Variants in GARIN2 observed in about 807,000 individuals in gnomAD.
GARIN2 encodes the protein Golgi-associated RAB2 interactor protein 2.
At chr14:67,193,616 G>A in the GARIN2 span, among the ~76,000 whole-genome samples, 5 of 144,918 alleles carry the variant, frequency 3.5e-5, no homozygotes, top group Admixed American at 6.9e-5. Context: ...TATATAGATA[G>A]AAATATATCT....
At chr14:67,224,905 C>T in the GARIN2 span, 1 of 424,634 alleles carries the variant, frequency 2.4e-6, no homozygotes, top group East Asian at 4.8e-5. Flanking sequence ...TAAAAGGGAA[C>T]CTGCTTGTGA....
the GARIN2 span, among the ~76,000 whole-genome samples, chr14:67,212,667 CACAT>C: frequency 7.9e-6 from 1 of 127,060 alleles, no homozygotes; most frequent in Non-Finnish European, 1.7e-5. Flanking sequence ...TATATATTTA[CACAT>C]ACATACAAAT....
the GARIN2 span, among the ~76,000 whole-genome samples, chr14:67,225,867 C>G: frequency 6.6e-6 from 1 of 151,526 alleles, no homozygotes; most frequent in East Asian, 1.9e-4. Context: ...AGAGTGGAAG[C>G]AATGCAATTT....
the GARIN2 span, chr14:67,224,908 G>A: frequency 2.3e-6 from 1 of 432,990 alleles, no homozygotes; most frequent in East Asian, 4.6e-5. Context: ...AAGGGAACCT[G>A]CTTGTGAAAT....
the GARIN2 span, chr14:67,201,878 A>G: frequency 5.7e-6 from 1 of 176,698 alleles, no homozygotes; most frequent in African/African-American, 2.4e-5. Context: ...CTGTCTGCCC[A>G]TCCTCCAGTC....
chr14:67,205,197 T>C, the GARIN2 span: 1 of 1,136,320 alleles, frequency 8.8e-7, no homozygotes. Flanking sequence ...CTATGGAACC[T>C]ACCTACTCCG....
chr14:67,216,571 G>C, the GARIN2 span, among the ~76,000 whole-genome samples: 3 of 151,912 alleles, frequency 2.0e-5, no homozygotes, highest in African/African-American at 7.3e-5. Flanking sequence ...TGCTTTTGCT[G>C]TGCCCCCATA....
chr14:67,198,955 C>T, the GARIN2 span: 4 of 702,200 alleles, frequency 5.7e-6, no homozygotes, highest in African/African-American at 3.5e-5. Context: ...TTACCTCTAA[C>T]TCTTAATACA....
chr14:67,214,646 C>A, the GARIN2 span, among the ~76,000 whole-genome samples: 14 of 151,880 alleles, frequency 9.2e-5, no homozygotes, highest in South Asian at 2.5e-3. Context: ...CTTGGCGATG[C>A]GGGCTCTTTT....
At chr14:67,198,355 T>C in the GARIN2 span, 2 of 1,566,206 alleles carry the variant, frequency 1.3e-6, no homozygotes, top group South Asian at 1.2e-5. Flanking sequence ...TAAGTTCCAA[T>C]AACTTCAGTA....
the GARIN2 span, among the ~76,000 whole-genome samples, chr14:67,214,549 T>C: frequency 6.6e-6 from 1 of 152,238 alleles, no homozygotes; most frequent in South Asian, 2.1e-4. Flanking sequence ...ACCAGTACCA[T>C]GCTATTTTGG....
the GARIN2 span, chr14:67,227,383 T>C: frequency 1.4e-5 from 2 of 147,350 alleles, no homozygotes; most frequent in Non-Finnish European, 3.0e-5. Context: ...GAGGTTGCAC[T>C]GAGCCGAGAT....
At chr14:67,198,985 G>T in the GARIN2 span, 1 of 704,422 alleles carries the variant, frequency 1.4e-6, no homozygotes, top group South Asian at 1.5e-5. Flanking sequence ...CTGCTCAGCT[G>T]ATTTCACAGA....
At chr14:67,225,961 G>GTGTGTGTGTGTC in the GARIN2 span, among the ~76,000 whole-genome samples, 2 of 112,302 alleles carry the variant, frequency 1.8e-5, no homozygotes, top group Non-Finnish European at 3.2e-5. Flanking sequence ...GTGTGTGTGT[G>GTGTGTGTGTGTC]TGCGCGCGCG....
chr14:67,225,926 A>AGAGTGTGTGTGT, the GARIN2 span, among the ~76,000 whole-genome samples: 2 of 136,630 alleles, frequency 1.5e-5, no homozygotes, highest in Non-Finnish European at 3.1e-5. Context: ...TAATGCTGTG[A>AGAGTGTGTGTGT]GTGTGTGTGT....
the GARIN2 span, among the ~76,000 whole-genome samples, chr14:67,219,028 A>G: frequency 1.3e-5 from 2 of 151,882 alleles, no homozygotes; most frequent in Non-Finnish European, 2.9e-5. Context: ...TGCGGTGGCC[A>G]GTGGCCCCCC....
chr14:67,220,649 T>C, the GARIN2 span, among the ~76,000 whole-genome samples: 145 of 152,342 alleles, frequency 9.5e-4, no homozygotes, highest in African/African-American at 3.3e-3. Flanking sequence ...ATCTTGACAG[T>C]AGTCCTACCA....
chr14:67,205,538 G>A, the GARIN2 span, among the ~76,000 whole-genome samples: 1 of 152,152 alleles, frequency 6.6e-6, no homozygotes, highest in South Asian at 2.1e-4. Context: ...ATTTCGATGG[G>A]TAAACATGAG....
chr14:67,209,648 T>C, the GARIN2 span, among the ~76,000 whole-genome samples: 6 of 150,368 alleles, frequency 4.0e-5, no homozygotes, highest in Admixed American at 6.6e-5. Context: ...TGAAACCCCG[T>C]CTCTACTAAA....
Sources: allele counts gnomAD v4.1 joint callset (sites outside exome capture counted in the v4.1 genomes callset), GRCh38; gene constraint gnomAD v4.1.1; transcripts MANE v1.5; gene names NCBI Gene and HGNC (gene_info 2026-07-23, HGNC 2026-07-21).